Variants in NBAS observed in about 807,000 individuals in gnomAD.
NBAS encodes the protein NAG/BC035112 fusion.
NBAS carries 219 observed loss-of-function variants against 302.5 expected under a neutral mutation model. The ratio of observed to expected loss-of-function variants is 0.72; its 90% CI spans 0.65 to 0.81. The LOEUF (loss-of-function observed/expected upper bound fraction) is 0.81, where lower values mean the gene tolerates loss of function less well. Ranked by LOEUF, NBAS falls within the 30% of genes least tolerant of loss-of-function variation. NBAS has a pLI of 0.00. For missense variants in NBAS, 2,932 were observed against 2,841.6 expected, an observed-to-expected ratio of 1.03 and a Z score of -0.72; for synonymous variants, 1,118 against 1,021.6, an observed-to-expected ratio of 1.09 and a Z score of -1.80.
chr2:15,387,638 A>T (rs9677636), intron 28 of NBAS, among the ~76,000 whole-genome samples: 93,310 of 149,520 alleles, frequency 0.62, 29,616 homozygotes, highest in Middle Eastern at 0.69. Context: ...TCTGGAAATT[A>T]TTTTTTTTTT....
intron 12 of NBAS, among the ~76,000 whole-genome samples, chr2:15,485,332 A>G (rs1185144740): frequency 6.6e-6 from 1 of 152,240 alleles, no homozygotes; most frequent in African/African-American, 2.4e-5. Context: ...AACCTTTTAC[A>G]TACAAATCTG....
chr2:15,375,544 G>A (rs1674694949), intron 30 of NBAS, among the ~76,000 whole-genome samples: 1 of 152,056 alleles, frequency 6.6e-6, no homozygotes, highest in African/African-American at 2.4e-5. Flanking sequence ...TCGTAAAACT[G>A]GAGGATTTAA....
At chr2:15,067,885 C>A in the NBAS span, among the ~76,000 whole-genome samples, 1 of 152,026 alleles carries the variant, frequency 6.6e-6, no homozygotes, top group African/African-American at 2.4e-5. Context: ...AAAGATAAAA[C>A]ATTCTTGAGA....
chr2:15,062,306 C>T, the NBAS span, among the ~76,000 whole-genome samples: 16 of 152,178 alleles, frequency 1.1e-4, no homozygotes, highest in Admixed American at 7.9e-4. Context: ...ATCTATTATC[C>T]TGTGTTATCG....
Position 15,229,326 on chromosome 2 carries a change from G to T in NBAS, c.6236+3096C>A, listed in dbSNP as rs184814832. Among the ~76,000 whole-genome samples, 655 of 106,658 alleles carry T rather than the reference G, an allele frequency of 6.1e-3. 4 individuals carry two copies. Among genetic ancestry groups the T allele is most frequent in the Admixed American group, 0.014 (100 of 6,902 alleles). The allele number at this position is 106,658 out of a possible 152,430, so 70.0% of individuals were successfully genotyped here. A position where few individuals can be genotyped will look rare whatever the true frequency, so the allele number is the denominator to read the frequency against. On this transcript the variant is annotated intron_variant, in intron 47 of 51. Coordinates refer to ENST00000281513, the MANE Select transcript of NBAS (RefSeq NM_015909.4). ...ACTGCATTCTGGCCTGGGTGACACT[G>T]CAAGACTCTGTCTCAAAAAACAAAA...
intron 33 of NBAS, among the ~76,000 whole-genome samples, chr2:15,354,006 GA>G (rs1382907720): frequency 2.0e-5 from 3 of 152,148 alleles, no homozygotes; most frequent in Non-Finnish European, 2.9e-5. Flanking sequence ...GGTGTTCTGT[GA>G]AAAGGCAGCC....
intron 50 of NBAS, among the ~76,000 whole-genome samples, chr2:15,180,973 G>A (rs951111700): frequency 6.6e-6 from 1 of 152,120 alleles, no homozygotes; most frequent in Admixed American, 6.5e-5. Context: ...AATGTCCCAG[G>A]TTAGCACTCA....
intron 44 of NBAS, among the ~76,000 whole-genome samples, chr2:15,274,779 T>A (rs1669491407): frequency 6.6e-6 from 1 of 152,158 alleles, no homozygotes; most frequent in Non-Finnish European, 1.5e-5. Flanking sequence ...TATGTTATTA[T>A]TTTGAGACAG....
intron 48 of NBAS, among the ~76,000 whole-genome samples, chr2:15,191,551 G>A (rs903083469): frequency 6.6e-6 from 1 of 152,148 alleles, no homozygotes; most frequent in Non-Finnish European, 1.5e-5. Context: ...AATACAGTCA[G>A]TCAGTTTACC....
the NBAS span, among the ~76,000 whole-genome samples, chr2:15,159,293 C>T: frequency 6.6e-6 from 1 of 152,132 alleles, no homozygotes; most frequent in Non-Finnish European, 1.5e-5. Flanking sequence ...CTGTCCAGAG[C>T]CCAGAATGTT....
At chr2:14,820,968 C>T in the NBAS span, among the ~76,000 whole-genome samples, 1 of 151,078 alleles carries the variant, frequency 6.6e-6, no homozygotes, top group African/African-American at 2.4e-5. Context: ...CTTGCTCTGT[C>T]GCCCAGGCTG....
chr2:14,847,797 CACA>C, the NBAS span, among the ~76,000 whole-genome samples: 1 of 152,182 alleles, frequency 6.6e-6, no homozygotes, highest in Non-Finnish European at 1.5e-5. Context: ...TACATATTTA[CACA>C]ACATTTCATC....
chr2:14,996,673 T>C, the NBAS span, among the ~76,000 whole-genome samples: 1 of 152,192 alleles, frequency 6.6e-6, no homozygotes, highest in Non-Finnish European at 1.5e-5. Context: ...AATTTAATAT[T>C]ATGGGAAGAA....
chr2:15,439,716 G>C (rs1423474647), intron 21 of NBAS, among the ~76,000 whole-genome samples: 1 of 152,316 alleles, frequency 6.6e-6, no homozygotes, highest in East Asian at 1.9e-4. Flanking sequence ...TGCCTCACTC[G>C]GGAAGCGCAA....
chr2:15,293,650 A>AG (rs1203354569), intron 40 of NBAS, among the ~76,000 whole-genome samples: 1 of 92,064 alleles, frequency 1.1e-5, no homozygotes, highest in Admixed American at 1.0e-4. Context: ...AGCAAATTAG[A>AG]GAAAAAAAAA....
At position 15,551,547 on chromosome 2, in the gene NBAS, T is replaced by C. The variant is rs1347270533; in HGVS notation, c.336-11A>G. The C allele has an allele frequency of 3.1e-6, 5 of 1,606,508 alleles. No individual in the cohort carries two copies. Among genetic ancestry groups the C allele is most frequent in the Non-Finnish European group, 4.3e-6 (5 of 1,175,258 alleles). ...TCATCTTTTGCAGACCTGTAAAACA[T>C]GCAAAATCAAGGCAAAAGTTTTATC... On this transcript the variant is annotated splice_polypyrimidine_tract_variant and intron_variant, in intron 5 of 51. Transcript: ENST00000281513.
At chr2:15,441,768 T>C (rs1438915463) in intron 21 of NBAS, among the ~76,000 whole-genome samples, 5 of 152,194 alleles carry the variant, frequency 3.3e-5, no homozygotes, top group East Asian at 3.9e-4. Flanking sequence ...ACCCATCTCA[T>C]GTGCAGAGAC....
intron 44 of NBAS, among the ~76,000 whole-genome samples, chr2:15,271,361 A>G (rs1669312821): frequency 6.6e-6 from 1 of 152,218 alleles, no homozygotes; most frequent in Non-Finnish European, 1.5e-5. Context: ...TAGGCTAGAT[A>G]AGAGGTTCTC....
intron 44 of NBAS, among the ~76,000 whole-genome samples, chr2:15,260,975 T>C (rs560069588): frequency 6.6e-6 from 1 of 152,192 alleles, no homozygotes; most frequent in African/African-American, 2.4e-5. Context: ...CTGACCACAA[T>C]GCTCAAACTA....
Sources: gnomAD v4.1 joint callset for allele counts (sites outside exome capture counted in the v4.1 genomes callset) on GRCh38, gnomAD v4.1.1 for gene constraint, MANE v1.5 for transcripts, NCBI Gene and HGNC (gene_info 2026-07-23, HGNC 2026-07-21) for gene names.